The following CBFA2T3 variants were observed in gnomAD, a reference collection of about 807,000 sequenced individuals.
The protein encoded by CBFA2T3 is transcriptional corepressor CBFA2T3.
Under a neutral mutation model 58.6 loss-of-function variants are expected in CBFA2T3, and 31 were observed. That is an observed-to-expected ratio of 0.53 (90% CI 0.40 to 0.71). CBFA2T3 has a LOEUF of 0.71. Among genes scored for constraint, CBFA2T3 ranks in the 30% least tolerant of loss-of-function variants. CBFA2T3 has a pLI of 0.00. For synonymous variants in CBFA2T3, 531 were observed against 421.9 expected, an observed-to-expected ratio of 1.26 and a Z score of -3.17; for missense variants, 1,076 against 963.1, an observed-to-expected ratio of 1.12 and a Z score of -1.55.
At chr16:88,916,605 T>C (rs1970745240) in intron 1 of CBFA2T3, among the ~76,000 whole-genome samples, 1 of 140,840 alleles carries the variant, frequency 7.1e-6, no homozygotes, top group African/African-American at 2.7e-5. Context: ...AGACAGAGCT[T>C]CTCTGGAAGG....
Position 88,912,612 on chromosome 16 carries a change from G to C in CBFA2T3, c.152-10956C>G, listed in dbSNP as rs534598967. Among the ~76,000 whole-genome samples the C allele has an allele frequency of 9.5e-4, 145 of 152,280 alleles. 1 individual carries two copies. Among genetic ancestry groups the C allele is most frequent in the African/African-American group, 3.4e-3 (141 of 41,552 alleles). Reference sequence around the variant, plus strand: ...CCACTCGTCAATGTCTGAAGCCTCCGTCTGTGTTGGTCCTCGTGTTTACGC... The same window carrying C: ...CCACTCGTCAATGTCTGAAGCCTCCCTCTGTGTTGGTCCTCGTGTTTACGC... On this transcript the variant is annotated intron_variant, in intron 1 of 11. Transcript: ENST00000268679.
chr16:88,928,023 C>T (rs1971141343), intron 1 of CBFA2T3, among the ~76,000 whole-genome samples: 2 of 152,202 alleles, frequency 1.3e-5, no homozygotes, highest in Admixed American at 6.5e-5. Flanking sequence ...CGGCACCCAC[C>T]GCTGCTGACC....
intron 1 of CBFA2T3, among the ~76,000 whole-genome samples, chr16:88,969,569 A>C (rs1972597547): frequency 6.6e-6 from 1 of 152,212 alleles, no homozygotes; most frequent in African/African-American, 2.4e-5. Context: ...GCCGGTGGAC[A>C]GCAGTTTCCA....
chr16:88,921,829 C>T (rs1439144815), intron 1 of CBFA2T3, among the ~76,000 whole-genome samples: 2 of 152,238 alleles, frequency 1.3e-5, no homozygotes, highest in South Asian at 4.1e-4. Flanking sequence ...CCCATATGCG[C>T]CATAGCCTTC....
chr16:88,963,825 G>A (rs946240360), intron 1 of CBFA2T3, among the ~76,000 whole-genome samples: 5 of 152,260 alleles, frequency 3.3e-5, no homozygotes, highest in Non-Finnish European at 7.3e-5. Context: ...ATCCTGGAAT[G>A]CAGGGAGGCT....
chr16:88,919,701 C>T (rs925531322), intron 1 of CBFA2T3, among the ~76,000 whole-genome samples: 11 of 152,284 alleles, frequency 7.2e-5, no homozygotes, highest in South Asian at 4.1e-4. Context: ...CTTCTGAGCA[C>T]GTGCAGTCTG....
intron 5 of CBFA2T3, among the ~76,000 whole-genome samples, chr16:88,887,832 C>T (rs1969442827): frequency 2.6e-5 from 4 of 152,154 alleles, no homozygotes; most frequent in East Asian, 1.9e-4. Flanking sequence ...TCTGAAGCTG[C>T]CCTCTGCACA....
At chr16:88,944,641 A>G (rs115597064) in intron 1 of CBFA2T3, among the ~76,000 whole-genome samples, 2,112 of 152,308 alleles carry the variant, frequency 0.014, 53 homozygotes, top group African/African-American at 0.048. Context: ...CAGCACCCAC[A>G]TCTGATTTCC....
chr16:88,944,907 T>C (rs559581322), intron 1 of CBFA2T3, among the ~76,000 whole-genome samples: 12 of 152,346 alleles, frequency 7.9e-5, no homozygotes, highest in African/African-American at 2.6e-4. Flanking sequence ...CCCAGAAAGC[T>C]TGAGTAATCT....
intron 1 of CBFA2T3, among the ~76,000 whole-genome samples, chr16:88,967,004 G>C (rs913837722): frequency 1.1e-4 from 16 of 152,190 alleles, no homozygotes; most frequent in African/African-American, 3.6e-4. Context: ...AGGGGACGAG[G>C]GAAAGCATCC....
At chr16:88,934,855 T>G (rs1272099248) in intron 1 of CBFA2T3, among the ~76,000 whole-genome samples, 1 of 152,200 alleles carries the variant, frequency 6.6e-6, no homozygotes, top group Non-Finnish European at 1.5e-5. Flanking sequence ...TTCTCCTGCC[T>G]CAGCCTCCCC....
In CBFA2T3 at chr16:88,961,601, A is replaced by G. The variant is rs553467516; in HGVS notation, c.151+15056T>C. 6.8e-3 allele frequency among the ~76,000 whole-genome samples: 847 copies of G among 124,518 alleles called. 12 individuals carry two copies. The highest frequency in any genetic ancestry group is 9.5e-3 in the Non-Finnish European group (553 of 58,500). The allele number at this position is 124,518 out of a possible 152,430, so 81.7% of individuals were successfully genotyped here. On this transcript the variant is annotated intron_variant, in intron 1 of 11. Coordinates refer to ENST00000268679, the MANE Select transcript of CBFA2T3 (RefSeq NM_005187.6). The stretch of plus-strand genomic sequence containing the variant: ...TCAGCACTGGGCATTCCCACTCCAT[A>G]GTAACCGACACTCAGCACTGGGCAT...
At position 88,970,817 on chromosome 16, in the gene CBFA2T3, GC is replaced by G. The variant is rs1972636685; in HGVS notation, c.151+5839del. Among the ~76,000 whole-genome samples, 6 of 152,386 alleles carry G rather than the reference GC, an allele frequency of 3.9e-5. No homozygotes were observed. The South Asian group carries it at 1.2e-3, about 32-fold the overall frequency. On this transcript the variant is annotated intron_variant, in intron 1 of 11. Transcript: ENST00000268679. ...GGCCCTGCTGCAAGCAGGCACCAGA[GC>G]CCCTGTCTCGTGCAGCCGACGCTGG...
At chr16:88,904,255 C>T (rs1244598926) in intron 1 of CBFA2T3, among the ~76,000 whole-genome samples, 1 of 152,120 alleles carries the variant, frequency 6.6e-6, no homozygotes, top group East Asian at 1.9e-4. Context: ...GAGGCCTGGA[C>T]AGAGGCTCAC....
chr16:88,957,302 G>T (rs1177350521), intron 1 of CBFA2T3, among the ~76,000 whole-genome samples: 1 of 152,252 alleles, frequency 6.6e-6, no homozygotes, highest in Admixed American at 6.5e-5. Flanking sequence ...GCCTTTCCCT[G>T]CCCTCGGGAC....
chr16:88,910,156 C>T (rs1044571510), intron 1 of CBFA2T3, among the ~76,000 whole-genome samples: 32 of 152,366 alleles, frequency 2.1e-4, no homozygotes, highest in African/African-American at 7.7e-4. Flanking sequence ...CCGCACTTGC[C>T]CCAGGGCCTT....
intron 1 of CBFA2T3, among the ~76,000 whole-genome samples, chr16:88,957,018 C>G (rs1567634194): frequency 1.4e-5 from 2 of 143,934 alleles, no homozygotes; most frequent in East Asian, 3.9e-4. Context: ...GAATGAGTGG[C>G]TCACCCGGAG....
chr16:88,894,008 G>C (rs542772678), intron 3 of CBFA2T3, among the ~76,000 whole-genome samples: 9 of 152,258 alleles, frequency 5.9e-5, no homozygotes, highest in African/African-American at 2.2e-4. Context: ...CTTCTGTCAG[G>C]AGGACTGAAG....
chr16:88,907,205 G>A (rs186133595), intron 1 of CBFA2T3, among the ~76,000 whole-genome samples: 11 of 152,224 alleles, frequency 7.2e-5, no homozygotes, highest in South Asian at 4.1e-4. Flanking sequence ...AGCGCTGCCC[G>A]TGCAGAAGAA....
Sources: allele counts gnomAD v4.1 joint callset (sites outside exome capture counted in the v4.1 genomes callset), GRCh38; gene constraint gnomAD v4.1.1; transcripts MANE v1.5; gene names NCBI Gene and HGNC (gene_info 2026-07-23, HGNC 2026-07-21).